Variants in NDUFA11 observed in about 807,000 individuals in gnomAD.
NDUFA11 encodes NADH:ubiquinone oxidoreductase subunit A11, also known as NADH dehydrogenase [ubiquinone] 1 alpha subcomplex subunit 11.
A neutral mutation model predicts 11.3 loss-of-function variants in NDUFA11; 14 were observed. The ratio of observed to expected loss-of-function variants is 1.24; its 90% CI spans 0.82 to 1.94. The LOEUF (loss-of-function observed/expected upper bound fraction) is 1.94. NDUFA11 is among the 30% of genes most tolerant of loss of function. The pLI is 0.00. For missense variants in NDUFA11, 204 were observed against 200.3 expected (o/e 1.02, Z -0.11); for synonymous variants, 87 against 85.6 (o/e 1.02, Z -0.09).
downstream of NDUFA11, among the ~76,000 whole-genome samples, chr19:5,893,873 A>ACCAGCAGGGCCCAGATCCATCC (rs1489932202): frequency 6.6e-6 from 1 of 152,178 alleles, no homozygotes; most frequent in East Asian, 1.9e-4. This position sits in a 1 kb window ranked among gnomAD's most constrained non-coding sequence, Gnocchi z 4.1. Context: ...TCCCCGGCCC[A>ACCAGCAGGGCCCAGATCCATCC]CCAGCAGGGC....
At chr19:5,893,647 T>C (rs1256426510), downstream of NDUFA11, among the ~76,000 whole-genome samples, 1 of 152,138 alleles carries the variant, frequency 6.6e-6, no homozygotes, top group Non-Finnish European at 1.5e-5. This position sits in a 1 kb window ranked among gnomAD's most constrained non-coding sequence, Gnocchi z 4.1. Flanking sequence ...GCGGTGGCCA[T>C]AGTCCTGGCT....
downstream of NDUFA11, chr19:5,892,891 C>T: frequency 7.0e-7 from 1 of 1,419,330 alleles, no homozygotes; most frequent in East Asian, 2.5e-5. Flanking sequence ...GTGCTGCCGT[C>T]CTCTGAGGAC....
chr19:5,895,088 C>G, intron 3 of NDUFA11: 1 of 554,784 alleles, frequency 1.8e-6, no homozygotes. Context: ...GCTGTGGGTC[C>G]TCATCCCGCC....
chr19:5,894,600 CCCTT>C (rs2057595744), downstream of NDUFA11: 1 of 1,515,868 alleles, frequency 6.6e-7, no homozygotes. Flanking sequence ...TATCTTATCT[CCCTT>C]CCTCACTCCC....
downstream of NDUFA11, chr19:5,894,605 C>G: frequency 6.6e-7 from 1 of 1,522,632 alleles, no homozygotes; most frequent in Non-Finnish European, 8.8e-7. Context: ...TATCTCCCTT[C>G]CTCACTCCCT....
chr19:5,900,982 G>A (rs1362853357), intron 1 of NDUFA11, among the ~76,000 whole-genome samples: 1 of 151,190 alleles, frequency 6.6e-6, no homozygotes, highest in Non-Finnish European at 1.5e-5. Flanking sequence ...CAAAGACCCC[G>A]GGGCACCCTT....
At chr19:5,900,910 C>CAAAAAA (rs1305134254) in intron 1 of NDUFA11, among the ~76,000 whole-genome samples, 2 of 51,600 alleles carry the variant, frequency 3.9e-5, no homozygotes, top group Non-Finnish European at 8.2e-5. Flanking sequence ...GACTCCGTCT[C>CAAAAAA]AAAAAAAAAA....
At chr19:5,894,363 G>C (rs943755570), downstream of NDUFA11, among the ~76,000 whole-genome samples, 1 of 152,168 alleles carries the variant, frequency 6.6e-6, no homozygotes, top group Non-Finnish European at 1.5e-5. Flanking sequence ...CAGCGCTGAG[G>C]GAAGGGCTGT....
intron 1 of NDUFA11, among the ~76,000 whole-genome samples, chr19:5,898,884 A>T (rs970193195): frequency 6.6e-6 from 1 of 151,254 alleles, no homozygotes. Flanking sequence ...AAAATAAAAA[A>T]AAAAAAAAAA....
downstream of NDUFA11, chr19:5,893,110 G>A (rs765004425): frequency 1.4e-4 from 213 of 1,535,958 alleles, no homozygotes; most frequent in Middle Eastern, 1.0e-3. The surrounding 1 kb of genome is among the most constrained non-coding windows in gnomAD (Gnocchi z 4.1). Context: ...GCTGGAACAC[G>A]CGTGGACATC....
At chr19:5,894,924 C>A in intron 3 of NDUFA11, 70 bp from the exon 4 acceptor site, 5 of 1,501,034 alleles carry the variant, frequency 3.3e-6, no homozygotes. Context: ...CACGCCCTGG[C>A]CGGTGCCCAC....
chr19:5,903,006 G>A (rs2057655404), intron 1 of NDUFA11, among the ~76,000 whole-genome samples: 1 of 74,714 alleles, frequency 1.3e-5, no homozygotes, highest in Non-Finnish European at 2.8e-5. Flanking sequence ...GCAAGGCTCT[G>A]TCTCAAAAAA....
chr19:5,897,095 C>A, intron 1 of NDUFA11, 98 bp from the exon 2 acceptor site: 1 of 923,492 alleles, frequency 1.1e-6, no homozygotes, highest in Non-Finnish European at 1.8e-6. Flanking sequence ...TCAGTCCTCA[C>A]GATGCCCCCC....
Position 5,896,146 on chromosome 19 carries a change from T to C in NDUFA11, c.313+307A>G. 1.7e-6 allele frequency: 1 copy of C among 582,846 alleles called. No homozygotes were observed. The highest frequency in any genetic ancestry group is 3.0e-6 in the Non-Finnish European group (1 of 328,832). The allele number at this position is 582,846 out of a possible 1,614,324, so 36.1% of individuals were successfully genotyped here. A position where few individuals can be genotyped will look rare whatever the true frequency, so the allele number is the denominator to read the frequency against. Reference sequence around the variant, plus strand: ...GTGAGGGGAACAGCATTCCACGCAGTGCACTGCCCATGCAAAGGCCCTGGG... The same window carrying C: ...GTGAGGGGAACAGCATTCCACGCAGCGCACTGCCCATGCAAAGGCCCTGGG... On this transcript the variant is annotated intron_variant, in intron 3 of 3. Coordinates refer to ENST00000308961, the MANE Select transcript of NDUFA11 (RefSeq NM_175614.5). The surrounding 1 kb of genome is among the most constrained non-coding windows in gnomAD (Gnocchi z 5.8).
chr19:5,901,284 C>T (rs542482331), intron 1 of NDUFA11: 490 of 1,260,348 alleles, frequency 3.9e-4, no homozygotes, highest in Non-Finnish European at 4.9e-4. Flanking sequence ...CAGATCCTAT[C>T]CCCTGGGTGG....
At chr19:5,900,601 T>C (rs1286766237) in intron 1 of NDUFA11, among the ~76,000 whole-genome samples, 2 of 152,266 alleles carry the variant, frequency 1.3e-5, no homozygotes, top group East Asian at 3.9e-4. Context: ...TTCTGCACAA[T>C]GAGTGGAGCT....
chr19:5,896,798 T>C lies in NDUFA11; in HGVS notation c.190+107A>G. Reference sequence around the variant, plus strand: ...CACTTTCTCCGGATGGCCAGCACTGTGGACACGGGCTGGGGAGTCAGAGAG... The same window carrying C: ...CACTTTCTCCGGATGGCCAGCACTGCGGACACGGGCTGGGGAGTCAGAGAG... On this transcript the variant is annotated intron_variant, in intron 2 of 3. Transcript: ENST00000308961. The surrounding 1 kb of genome is among the most constrained non-coding windows in gnomAD (Gnocchi z 5.8). The C allele has an allele frequency of 3.3e-6, 4 of 1,214,066 alleles. No homozygotes were observed. Among genetic ancestry groups the C allele is most frequent in the Non-Finnish European group, 4.9e-6 (4 of 820,448 alleles). 75.2% of individuals were successfully genotyped at this position (1,214,066 alleles called of 1,614,324 possible).
At chr19:5,898,885 A>AT (rs1265846579) in intron 1 of NDUFA11, among the ~76,000 whole-genome samples, 12 of 151,226 alleles carry the variant, frequency 7.9e-5, no homozygotes, top group Non-Finnish European at 1.5e-4. Flanking sequence ...AAATAAAAAA[A>AT]AAAAAAAAAA....
At chr19:5,893,506 G>A (rs145558228), downstream of NDUFA11, among the ~76,000 whole-genome samples, 1,146 of 152,146 alleles carry the variant, frequency 7.5e-3, 21 homozygotes, top group African/African-American at 0.026. This position sits in a 1 kb window ranked among gnomAD's most constrained non-coding sequence, Gnocchi z 4.1. Flanking sequence ...TCACTGCGTT[G>A]CCCAGGCTGG....
Sources: gnomAD v4.1 joint callset for allele counts (sites outside exome capture counted in the v4.1 genomes callset) on GRCh38, gnomAD v4.1.1 for gene constraint, Gnocchi (gnomAD v3.1) non-coding constraint, MANE v1.5 for transcripts, NCBI Gene and HGNC (gene_info 2026-07-23, HGNC 2026-07-21) for gene names.